The following RELCH variants were observed in gnomAD, a reference collection of about 807,000 sequenced individuals.
RELCH encodes the protein RAB11-binding protein RELCH.
A neutral mutation model predicts 150.3 loss-of-function variants in RELCH; 41 were observed. The observed-to-expected ratio is 0.27, with a 90% confidence interval of 0.21 to 0.35. The LOEUF is 0.35. Among genes scored for constraint, RELCH ranks in the 10% least tolerant of loss-of-function variants. The pLI is 1.00. For synonymous variants in RELCH, 478 were observed against 531.8 expected, an observed-to-expected ratio of 0.90 and a Z score of 1.39; for missense variants, 1,092 against 1,467.8, an observed-to-expected ratio of 0.74 and a Z score of 4.18.
chr18:62,243,344 C>T (rs1413405198), intron 10 of RELCH, among the ~76,000 whole-genome samples: 2 of 135,222 alleles, frequency 1.5e-5, no homozygotes, highest in Non-Finnish European at 3.3e-5. Context: ...TTATATTAAG[C>T]CTCTAGGGAA....
rs371440710 is a variant in RELCH at position 62,274,067 on chromosome 18, G to T, written c.2848G>T (p.Ala950Ser). The change falls in exon 21 of 29, where the codon GCT (alanine) becomes TCT (serine). Residue 950 changes from alanine (A) to serine (S), a missense_variant. Ala to Ser is a moderately conservative substitution (Grantham distance 99). Coordinates refer to ENST00000644646, the MANE Select transcript of RELCH (RefSeq NM_001346231.2). ...TCATGCTCCTCTTGATAGCCTGAAG[G>T]CTTCTTTTGTGGAATTGGGGTAAGA... ...LSHAPLDSLK[A>S]SFVELGANPA... 2.5e-6 allele frequency: 4 copies of T among 1,610,540 alleles called. No homozygotes were observed. The highest frequency in any genetic ancestry group is 1.3e-5 in the African/African-American group (1 of 74,808).
intron 5 of RELCH, among the ~76,000 whole-genome samples, chr18:62,225,751 ATGAT>A (rs1323836811): frequency 1.3e-5 from 2 of 151,942 alleles, no homozygotes; most frequent in African/African-American, 2.4e-5. Context: ...TTTTGGTTGA[ATGAT>A]AGATAGATGG....
intron 26 of RELCH, among the ~76,000 whole-genome samples, chr18:62,289,981 A>G (rs904880155): frequency 1.3e-5 from 2 of 152,202 alleles, no homozygotes; most frequent in Non-Finnish European, 2.9e-5. Flanking sequence ...ACTTATCCCC[A>G]TATCTAGAAA....
chr18:62,268,981 G>A (rs1354803720), intron 20 of RELCH, 33 bp downstream of exon 20: 3 of 1,184,324 alleles, frequency 2.5e-6, no homozygotes, highest in African/African-American at 1.6e-5. Flanking sequence ...CTAGTAAAAG[G>A]CTTTCCATTT....
Position 62,268,910 on chromosome 18 carries a change from C to A in RELCH, c.2722C>A (p.Pro908Thr). 1 of 1,549,880 alleles carries A rather than the reference C, an allele frequency of 6.5e-7. No individual in the cohort carries two copies. ...GNGVLTKATV[P>T]IYATGVLTCY... ...TGGGGTCCTCACTAAAGCTACAGTC[C>A]CCATTTATGCAACAGGAGTCCTTAC... Residue 908 changes from proline (P) to threonine (T), a missense_variant, in exon 20 of 29, where the codon CCC (proline) becomes ACC (threonine). Pro to Thr is a conservative substitution (Grantham distance 38, BLOSUM62 -1). Around this residue, in one of 4 missense-constraint regions of RELCH, gnomAD observed 707 missense variants for 1,025.4 expected, o/e 0.69. Coordinates refer to ENST00000644646, the MANE Select transcript of RELCH (RefSeq NM_001346231.2).
chr18:62,207,746 T>C (rs2039901736), intron 1 of RELCH, among the ~76,000 whole-genome samples: 1 of 152,212 alleles, frequency 6.6e-6, no homozygotes, highest in Non-Finnish European at 1.5e-5. Flanking sequence ...TTTACAAAAT[T>C]GTACAACTGT....
At chr18:62,278,193 C>T (rs554732724) in intron 22 of RELCH, among the ~76,000 whole-genome samples, 1 of 152,164 alleles carries the variant, frequency 6.6e-6, no homozygotes, top group East Asian at 1.9e-4. Context: ...TCTACATTAC[C>T]TCTTTTTTAA....
rs1179313533 is a variant in RELCH at position 62,231,916 on chromosome 18, C to T, written c.1525-416C>T. Among the ~76,000 whole-genome samples, 3 of 152,028 alleles carry T rather than the reference C, an allele frequency of 2.0e-5. No homozygotes were observed. In the East Asian group the frequency reaches 5.8e-4, roughly 29 times the overall value. Reference sequence around the variant, plus strand: ...ATAAGACTGGATCACCTTCCTTAGCCTACCCCTTGTATTTCCAAGTTCTTT... The same window carrying T: ...ATAAGACTGGATCACCTTCCTTAGCTTACCCCTTGTATTTCCAAGTTCTTT... On this transcript the variant is annotated intron_variant, in intron 9 of 28. Coordinates refer to ENST00000644646, the MANE Select transcript of RELCH (RefSeq NM_001346231.2).
intron 7 of RELCH, 131 bp downstream of exon 7, chr18:62,227,820 A>G (rs930250709): frequency 2.0e-6 from 1 of 499,252 alleles, no homozygotes; most frequent in African/African-American, 2.0e-5. Flanking sequence ...TTCTGAAAGA[A>G]AGTTTTGTAA....
At chr18:62,229,485 G>GGTGTGTGTGTGTGTGTGTGT (rs58842870) in intron 8 of RELCH, among the ~76,000 whole-genome samples, 93 of 143,422 alleles carry the variant, frequency 6.5e-4, no homozygotes, top group African/African-American at 2.3e-3. Context: ...GTATAGTAGG[G>GGTGTGTGTGTGTGTGTGTGT]GTGTGTGTGT....
rs2045914962 is a variant in RELCH at position 62,307,541 on chromosome 18, G to C, written c.*2007G>C. 2 of 151,998 alleles carry C rather than the reference G, an allele frequency of 1.3e-5. No homozygotes were observed. The highest frequency in any genetic ancestry group is 2.9e-5 in the Non-Finnish European group (2 of 67,952). The allele number at this position is 151,998 out of a possible 1,614,324, so 9.4% of individuals were successfully genotyped here. ...TTCTTAAATATTTTAATATCATTAA[G>C]ATTTCACATTGTGGTTTTGTTTTTT... On this transcript the variant is annotated 3_prime_UTR_variant, in exon 29 of 29. Coordinates refer to ENST00000644646, the MANE Select transcript of RELCH (RefSeq NM_001346231.2).
chr18:62,221,315 T>A, intron 4 of RELCH, 41 bp downstream of exon 4: 2 of 1,555,370 alleles, frequency 1.3e-6, no homozygotes, highest in South Asian at 2.2e-5. Flanking sequence ...TCTTCCACAT[T>A]AAATGGTAAC....
At chr18:62,220,501 T>G (rs1024146263) in intron 2 of RELCH, among the ~76,000 whole-genome samples, 1 of 151,872 alleles carries the variant, frequency 6.6e-6, no homozygotes, top group Non-Finnish European at 1.5e-5. Context: ...AACATCCTAA[T>G]GAAGGGAACT....
intron 14 of RELCH, 131 bp downstream of exon 14, chr18:62,258,219 G>T: frequency 4.7e-6 from 4 of 854,090 alleles, no homozygotes; most frequent in Non-Finnish European, 7.1e-6. Flanking sequence ...AGTCATCTGG[G>T]GATGGCTGCC....
At chr18:62,199,630 C>G (rs973382620) in intron 1 of RELCH, among the ~76,000 whole-genome samples, 1 of 152,192 alleles carries the variant, frequency 6.6e-6, no homozygotes, top group Non-Finnish European at 1.5e-5. Flanking sequence ...CCGATTTCCT[C>G]AACTCTGTCT....
chr18:62,214,380 T>C (rs2040356077), intron 2 of RELCH, among the ~76,000 whole-genome samples: 1 of 152,210 alleles, frequency 6.6e-6, no homozygotes, highest in South Asian at 2.1e-4. Flanking sequence ...AGGCCAGTAA[T>C]TGGGAAAAGA....
intron 27 of RELCH, among the ~76,000 whole-genome samples, chr18:62,294,540 C>T (rs923459006): frequency 2.0e-5 from 3 of 152,012 alleles, no homozygotes; most frequent in Non-Finnish European, 4.4e-5. Context: ...CTGTCTTAAC[C>T]GTTACTTTTT....
intron 22 of RELCH, among the ~76,000 whole-genome samples, chr18:62,279,193 C>T (rs1306384569): frequency 6.6e-6 from 1 of 152,112 alleles, no homozygotes; most frequent in Non-Finnish European, 1.5e-5. Flanking sequence ...AGATCTGATT[C>T]CCAAGTGTAA....
At position 62,228,297 on chromosome 18, in the gene RELCH, T is replaced by G; in HGVS notation, c.1155-8T>G. On this transcript the variant is annotated splice_region_variant and splice_polypyrimidine_tract_variant and intron_variant, in intron 7 of 28. Transcript: ENST00000644646. ...TCTGGTGATTTCTCTTAATTTCTCT[T>G]TCTACAGTGAAATGGACTTCCTCAA... 6.3e-7 allele frequency: 1 copy of G among 1,597,504 alleles called. No individual in the cohort carries two copies. The highest frequency in any genetic ancestry group is 8.5e-7 in the Non-Finnish European group (1 of 1,172,784).
Sources: gnomAD v4.1 joint callset for allele counts (sites outside exome capture counted in the v4.1 genomes callset) on GRCh38, gnomAD v4.1.1 for gene constraint, gnomAD v4.1.1 regional missense constraint, MANE v1.5 for transcripts, NCBI Gene and HGNC (gene_info 2026-07-23, HGNC 2026-07-21) for gene names.